Variants in DNASE1L3 observed in about 807,000 individuals in gnomAD.
DNASE1L3 encodes the protein deoxyribonuclease gamma.
A neutral mutation model predicts 30.9 loss-of-function variants in DNASE1L3; 27 were observed. That is an observed-to-expected ratio of 0.87 (90% CI 0.64 to 1.20). DNASE1L3 has a LOEUF of 1.20. DNASE1L3 is among the 50% of genes most tolerant of loss of function. The pLI is 0.00. For synonymous variants in DNASE1L3, 135 were observed against 138.0 expected (o/e 0.98, Z 0.15); for missense variants, 364 against 378.2 (o/e 0.96, Z 0.31).
At position 58,197,781 on chromosome 3, in the gene DNASE1L3, G is replaced by A. The variant is rs377142737; in HGVS notation, c.704+40C>T. On this transcript the variant is annotated intron_variant, in intron 6 of 7. Coordinates refer to ENST00000394549, the MANE Select transcript of DNASE1L3 (RefSeq NM_004944.4). This position sits in a 1 kb window ranked among gnomAD's most constrained non-coding sequence, Gnocchi z 5.3. Reference sequence around the variant, plus strand: ...TTGCGTCTTTCCTAGTGCACACCAAGCACTGTGGTGAGCCAGCAGCACCCT... The same window carrying A: ...TTGCGTCTTTCCTAGTGCACACCAAACACTGTGGTGAGCCAGCAGCACCCT... 4 of 1,612,062 alleles carry A rather than the reference G, an allele frequency of 2.5e-6. No individual in the cohort carries two copies. In the African/African-American group the frequency reaches 5.3e-5, roughly 22 times the overall value.
intron 2 of DNASE1L3, among the ~76,000 whole-genome samples, chr3:58,206,929 G>A (rs539897100): frequency 6.6e-6 from 1 of 152,140 alleles, no homozygotes; most frequent in African/African-American, 2.4e-5. Context: ...ATGGATTCTT[G>A]CCTGTCCCTA....
chr3:58,208,023 C>G (rs1283121701), intron 2 of DNASE1L3, 195 bp downstream of exon 2: 3 of 506,852 alleles, frequency 5.9e-6, no homozygotes, highest in African/African-American at 5.7e-5. Context: ...TTCCCCTATT[C>G]TATTTTATCA....
intron 5 of DNASE1L3, among the ~76,000 whole-genome samples, chr3:58,198,903 AT>A (rs2097398960): frequency 6.6e-6 from 1 of 152,116 alleles, no homozygotes; most frequent in Non-Finnish European, 1.5e-5. Context: ...GGAGGGGACC[AT>A]TGAGTGAGCT....
At position 58,200,311 on chromosome 3, in the gene DNASE1L3, GACTC is replaced by G. The variant is rs1306247590; in HGVS notation, c.546+682_546+685del. 6.6e-6 allele frequency among the ~76,000 whole-genome samples: 1 copy of G among 152,178 alleles called. No homozygotes were observed. Among genetic ancestry groups the G allele is most frequent in the African/African-American group, 2.4e-5 (1 of 41,432 alleles). On this transcript the variant is annotated intron_variant, in intron 5 of 7. Transcript: ENST00000394549. This position sits in a 1 kb window ranked among gnomAD's most constrained non-coding sequence, Gnocchi z 4.2. ...CACCTGACCCAGTCAGAGCCAATGA[GACTC>G]AGTCCCACACTATTTGTTGCCTTGT...
chr3:58,193,837 T>C (rs1289667990), intron 6 of DNASE1L3, among the ~76,000 whole-genome samples: 2 of 152,224 alleles, frequency 1.3e-5, no homozygotes, highest in African/African-American at 4.8e-5. Context: ...TTGTCTTTAA[T>C]ACCTCCCTCA....
intron 5 of DNASE1L3, among the ~76,000 whole-genome samples, chr3:58,199,080 T>G (rs1044328271): frequency 2.0e-5 from 3 of 152,326 alleles, no homozygotes; most frequent in South Asian, 2.1e-4. Flanking sequence ...CAGAGTTTTC[T>G]TCAAGAACAT....
At position 58,210,956 on chromosome 3, in the gene DNASE1L3, G is replaced by A. The variant is rs754900873; in HGVS notation, c.-50C>T. ...CTCTGTGAGAAGACAGCAGTGCTTG[G>A]AGTGCTGGATTCTGGCCACTTCCGC... On this transcript the variant is annotated 5_prime_UTR_variant, in exon 1 of 8. Transcript: ENST00000394549. 6.9e-6 allele frequency: 11 copies of A among 1,604,856 alleles called. No homozygotes were observed. Among genetic ancestry groups the A allele is most frequent in the Non-Finnish European group, 9.4e-6 (11 of 1,175,108 alleles).
intron 6 of DNASE1L3, among the ~76,000 whole-genome samples, chr3:58,194,314 C>CTTT (rs11358965): frequency 0.18 from 16,253 of 89,010 alleles, 2,309 homozygotes; most frequent in Non-Finnish European, 0.21. Flanking sequence ...GCACAACTAA[C>CTTT]TTTTTTTTTT....
intron 3 of DNASE1L3, 132 bp downstream of exon 3, chr3:58,205,339 G>T: frequency 1.2e-6 from 1 of 822,978 alleles, no homozygotes; most frequent in Non-Finnish European, 2.0e-6. Context: ...CCCTAGTTTT[G>T]ACAGCAATTA....
intron 1 of DNASE1L3, among the ~76,000 whole-genome samples, chr3:58,209,395 A>G (rs2097406199): frequency 6.6e-6 from 1 of 152,228 alleles, no homozygotes; most frequent in South Asian, 2.1e-4. Flanking sequence ...CCCAGGCTCC[A>G]CGGGCCATGT....
Position 58,197,839 on chromosome 3 carries a change from G to A in DNASE1L3, c.686C>T (p.Thr229Ile). ...CTCCTACCTGTCATATGCACAGTTG[G>A]TGCTCTTCTTCACCGTGGTGTCCTC... The part of the protein sequence containing the change: ...DQEDTTVKKS[T>I]NCAYDRIVLR... Residue 229 changes from threonine (T) to isoleucine (I), a missense_variant, in exon 6 of 8, where the codon ACC (threonine) becomes ATC (isoleucine). Thr to Ile is a moderately conservative substitution (Grantham distance 89, BLOSUM62 -1). Coordinates refer to ENST00000394549, the MANE Select transcript of DNASE1L3 (RefSeq NM_004944.4). This position sits in a 1 kb window ranked among gnomAD's most constrained non-coding sequence, Gnocchi z 5.3. 6.2e-7 allele frequency: 1 copy of A among 1,614,044 alleles called. No individual in the cohort carries two copies. Among genetic ancestry groups the A allele is most frequent in the Non-Finnish European group, 8.5e-7 (1 of 1,180,024 alleles).
intron 4 of DNASE1L3, among the ~76,000 whole-genome samples, chr3:58,202,880 T>C (rs1192627817): frequency 1.3e-5 from 2 of 151,658 alleles, no homozygotes; most frequent in Non-Finnish European, 1.5e-5. Context: ...GCTTGTCAGT[T>C]TATACTCCTT....
In DNASE1L3 at chr3:58,192,586, G is replaced by T; in HGVS notation, c.*101C>A. ...AAATTCAGGTCAAAAAATGAAAGCA[G>T]TTGGATCACTCTTGTTTCCTAAGTA... On this transcript the variant is annotated 3_prime_UTR_variant, in exon 8 of 8. Transcript: ENST00000394549. The surrounding 1 kb of genome is among the most constrained non-coding windows in gnomAD (Gnocchi z 4.8). The T allele has an allele frequency of 8.0e-7, 1 of 1,256,466 alleles. No homozygotes were observed. Among genetic ancestry groups the T allele is most frequent in the South Asian group, 1.5e-5 (1 of 65,218 alleles). The allele number at this position is 1,256,466 out of a possible 1,614,324, so 77.8% of individuals were successfully genotyped here. A position where few individuals can be genotyped will look rare whatever the true frequency, so the allele number is the denominator to read the frequency against.
Position 58,197,560 on chromosome 3 carries a change from C to T in DNASE1L3, c.704+261G>A, listed in dbSNP as rs567487811. Reference sequence around the variant, plus strand: ...CTCCACCTTCTGGGCTCAAGCGATCCTCCCACCTCAGCCTCCTGAGTAGCT... The same window carrying T: ...CTCCACCTTCTGGGCTCAAGCGATCTTCCCACCTCAGCCTCCTGAGTAGCT... On this transcript the variant is annotated intron_variant, in intron 6 of 7. Coordinates refer to ENST00000394549, the MANE Select transcript of DNASE1L3 (RefSeq NM_004944.4). The surrounding 1 kb of genome is among the most constrained non-coding windows in gnomAD (Gnocchi z 5.3). Among the ~76,000 whole-genome samples, 2 of 152,212 alleles carry T rather than the reference C, an allele frequency of 1.3e-5. No homozygotes were observed. Among genetic ancestry groups the T allele is most frequent in the Admixed American group, 6.5e-5 (1 of 15,286 alleles).
intron 6 of DNASE1L3, among the ~76,000 whole-genome samples, chr3:58,194,064 C>A (rs1241278187): frequency 6.6e-6 from 1 of 151,988 alleles, no homozygotes; most frequent in Non-Finnish European, 1.5e-5. Context: ...TGGAAAATAT[C>A]GAGAAAAATC....
chr3:58,202,317 G>GTTTTTT lies in DNASE1L3; in HGVS notation c.434-1214_434-1209dup, dbSNP rs1171213238. The stretch of plus-strand genomic sequence containing the variant: ...TGCACCATCATGCCTGGCTAGCTTT[G>GTTTTTT]TTTTTTTTTTTTTTTTTTTTTTTTT... On this transcript the variant is annotated intron_variant, in intron 4 of 7. Coordinates refer to ENST00000394549, the MANE Select transcript of DNASE1L3 (RefSeq NM_004944.4). 4.5e-4 allele frequency among the ~76,000 whole-genome samples: 22 copies of GTTTTTT among 48,842 alleles called. 1 individual carries two copies. Among genetic ancestry groups the GTTTTTT allele is most frequent in the African/African-American group, 7.7e-4 (9 of 11,748 alleles). The allele number at this position is 48,842 out of a possible 152,430, so 32.0% of individuals were successfully genotyped here.
intron 6 of DNASE1L3, among the ~76,000 whole-genome samples, chr3:58,196,005 T>G (rs913380302): frequency 6.6e-6 from 1 of 152,152 alleles, no homozygotes; most frequent in Admixed American, 6.5e-5. Flanking sequence ...TTCTGATTCT[T>G]CTGTATCATT....
intron 5 of DNASE1L3, among the ~76,000 whole-genome samples, chr3:58,198,492 G>T (rs1202398949): frequency 1.3e-5 from 2 of 152,194 alleles, no homozygotes; most frequent in African/African-American, 4.8e-5. Flanking sequence ...TCTAGCAAAT[G>T]AATATAAGGT....
chr3:58,199,589 G>A (rs535257099), intron 5 of DNASE1L3, among the ~76,000 whole-genome samples: 7 of 152,110 alleles, frequency 4.6e-5, no homozygotes, highest in South Asian at 2.1e-4. Flanking sequence ...ACTTGAACCC[G>A]GGAGGTGGAG....
Sources: gnomAD v4.1 joint callset for allele counts (sites outside exome capture counted in the v4.1 genomes callset) on GRCh38, gnomAD v4.1.1 for gene constraint, Gnocchi (gnomAD v3.1) non-coding constraint, MANE v1.5 for transcripts, NCBI Gene and HGNC (gene_info 2026-07-23, HGNC 2026-07-21) for gene names.